The following PALM2AKAP2 variants were observed in gnomAD, a reference collection of about 807,000 sequenced individuals.
PALM2AKAP2 encodes PALM2 and AKAP2 fusion.
In PALM2AKAP2, 37 loss-of-function variants were observed where a neutral mutation model predicts 71.5. The observed-to-expected ratio is 0.52, with a 90% CI of 0.40 to 0.68. The LOEUF (loss-of-function observed/expected upper bound fraction) is 0.68. PALM2AKAP2 is among the 30% of genes least tolerant of loss of function. The pLI is 0.00. For missense variants in PALM2AKAP2, 1,224 were observed against 1,191.8 expected (o/e 1.03, Z -0.40); for synonymous variants, 468 against 478.8 (o/e 0.98, Z 0.29).
intron 7 of PALM2AKAP2, among the ~76,000 whole-genome samples, chr9:110,025,968 C>T (rs1588065376): frequency 6.6e-6 from 1 of 152,166 alleles, no homozygotes; most frequent in South Asian, 2.1e-4. Flanking sequence ...CAGGAGGGTG[C>T]ACTCAACTCA....
Position 109,703,207 on chromosome 9 carries a change from C to T in PALM2AKAP2, c.5+62341C>T, listed in dbSNP as rs894611686. 4.6e-5 allele frequency among the ~76,000 whole-genome samples: 7 copies of T among 152,262 alleles called. No homozygotes were observed. In the South Asian group the frequency reaches 1.5e-3, roughly 32 times the overall value. ...ATATATAACTTGGAGTTGTCTTTTG[C>T]AATATTGCTGATATTCAGGTCAGTA... On this transcript the variant is annotated intron_variant, in intron 1 of 6. Coordinates refer to the PALM2AKAP2 transcript ENST00000374531.
intron 6 of PALM2AKAP2, among the ~76,000 whole-genome samples, chr9:109,934,566 G>A (rs1266046700): frequency 1.3e-5 from 2 of 152,084 alleles, no homozygotes; most frequent in African/African-American, 4.8e-5. Context: ...TCACTTGGTT[G>A]CTAGTCTTCT....
chr9:110,054,942 G>A (rs1465840469), intron 1 of PALM2AKAP2, among the ~76,000 whole-genome samples: 1 of 152,178 alleles, frequency 6.6e-6, no homozygotes, highest in Non-Finnish European at 1.5e-5. Flanking sequence ...CAGATCAATT[G>A]TTCATCCTTC....
intron 6 of PALM2AKAP2, among the ~76,000 whole-genome samples, chr9:109,966,733 CA>C (rs1420833264): frequency 6.6e-6 from 1 of 152,198 alleles, no homozygotes; most frequent in Non-Finnish European, 1.5e-5. Flanking sequence ...ACTTTCAAAA[CA>C]GTCTTGCTAA....
chr9:109,739,798 G>GC (rs1179476638), intron 1 of PALM2AKAP2, among the ~76,000 whole-genome samples: 4 of 152,080 alleles, frequency 2.6e-5, no homozygotes, highest in African/African-American at 9.7e-5. Context: ...TCCATGCCTG[G>GC]CCCTCTCTAG....
intron 6 of PALM2AKAP2, among the ~76,000 whole-genome samples, chr9:109,993,783 T>C (rs1471217905): frequency 6.6e-6 from 1 of 151,420 alleles, no homozygotes; most frequent in Admixed American, 6.6e-5. Context: ...TCTCTCCCTC[T>C]TCTTTTTCAC....
chr9:109,674,589 T>A (rs541993115), intron 1 of PALM2AKAP2, among the ~76,000 whole-genome samples: 1 of 152,044 alleles, frequency 6.6e-6, no homozygotes, highest in South Asian at 2.1e-4. Context: ...TCTTCTAATG[T>A]GTGGACCTTT....
chr9:109,726,304 T>G (rs1473958287), intron 1 of PALM2AKAP2, among the ~76,000 whole-genome samples: 1 of 152,210 alleles, frequency 6.6e-6, no homozygotes, highest in Non-Finnish European at 1.5e-5. Flanking sequence ...GTTGTGGTGG[T>G]GGCAGCTGAT....
rs1830672711 is a variant in PALM2AKAP2 at position 109,915,740 on chromosome 9, A to G, written c.258-7995A>G. 2.0e-5 allele frequency among the ~76,000 whole-genome samples: 3 copies of G among 152,236 alleles called. No individual in the cohort carries two copies. In the South Asian group the frequency reaches 6.2e-4, roughly 32 times the overall value. ...CCTTATGATTATTATTGTTACATAT[A>G]TTACTGTATCTAGCAAAAACAATAT... On this transcript the variant is annotated intron_variant, in intron 3 of 9. Coordinates refer to the PALM2AKAP2 transcript ENST00000302798.
intron 6 of PALM2AKAP2, among the ~76,000 whole-genome samples, chr9:109,993,916 G>T (rs1012007745): frequency 6.6e-6 from 1 of 150,994 alleles, no homozygotes; most frequent in Non-Finnish European, 1.5e-5. Context: ...TCTCCCTCAA[G>T]TCTAGGCAGC....
chr9:110,053,953 C>G (rs951990728), intron 1 of PALM2AKAP2, among the ~76,000 whole-genome samples: 1 of 152,186 alleles, frequency 6.6e-6, no homozygotes, highest in Admixed American at 6.5e-5. Context: ...CTGATTGGAG[C>G]AGATGGGGTG....
At chr9:109,905,777 CA>C (rs1463527005) in intron 3 of PALM2AKAP2, among the ~76,000 whole-genome samples, 3 of 152,104 alleles carry the variant, frequency 2.0e-5, no homozygotes, top group Non-Finnish European at 4.4e-5. Context: ...ATTAGGGCCT[CA>C]AGCTTCAAAT....
At chr9:110,061,918 C>T (rs1404563329) in intron 1 of PALM2AKAP2, among the ~76,000 whole-genome samples, 2 of 148,844 alleles carry the variant, frequency 1.3e-5, no homozygotes, top group Non-Finnish European at 2.9e-5. Context: ...AGTGGCAAAG[C>T]CAAGCTTGGA....
At chr9:109,920,474 G>T (rs1462259418) in intron 3 of PALM2AKAP2, among the ~76,000 whole-genome samples, 1 of 151,662 alleles carries the variant, frequency 6.6e-6, no homozygotes, top group African/African-American at 2.4e-5. Flanking sequence ...CTGTCTCCTG[G>T]GTTCAAGCGG....
intron 7 of PALM2AKAP2, chr9:110,025,321 T>C (rs1486634848): frequency 6.7e-6 from 8 of 1,196,690 alleles, no homozygotes; most frequent in Admixed American, 1.7e-5. Flanking sequence ...AGAGAACATA[T>C]GTCGGGAGCC....
intron 6 of PALM2AKAP2, among the ~76,000 whole-genome samples, chr9:109,949,519 A>G (rs1357283068): frequency 6.6e-6 from 1 of 152,222 alleles, no homozygotes; most frequent in Non-Finnish European, 1.5e-5. Flanking sequence ...TATATACATT[A>G]TGGAGCTTGA....
chr9:109,793,298 C>G (rs1455107854), intron 1 of PALM2AKAP2, among the ~76,000 whole-genome samples: 1 of 152,212 alleles, frequency 6.6e-6, no homozygotes, highest in Non-Finnish European at 1.5e-5. Context: ...CCCTTTTTCT[C>G]TGGCCTGACC....
intron 1 of PALM2AKAP2, among the ~76,000 whole-genome samples, chr9:110,079,790 C>T (rs1264661282): frequency 1.3e-5 from 2 of 151,948 alleles, no homozygotes; most frequent in Non-Finnish European, 2.9e-5. Context: ...TAGAAGGTTG[C>T]TGGGCACGGT....
At chr9:109,751,619 G>C (rs77174681) in intron 1 of PALM2AKAP2, among the ~76,000 whole-genome samples, 31,037 of 152,036 alleles carry the variant, frequency 0.2, 3,554 homozygotes, top group East Asian at 0.37. Context: ...CATGTGGTTG[G>C]AGTTTTGCAG....
Sources: gnomAD v4.1 joint callset for allele counts (sites outside exome capture counted in the v4.1 genomes callset) on GRCh38, gnomAD v4.1.1 for gene constraint, MANE v1.5 for transcripts, NCBI Gene and HGNC (gene_info 2026-07-23, HGNC 2026-07-21) for gene names.